THRB: variants seen among roughly 807,000 people sequenced by gnomAD.
The protein encoded by THRB is nuclear receptor subfamily 1 group A member 2.
A neutral mutation model predicts 47.8 loss-of-function variants in THRB; 12 were observed. The observed-to-expected ratio is 0.25, with a 90% CI of 0.16 to 0.41. The LOEUF is 0.41. Among genes scored for constraint, THRB ranks in the 10% least tolerant of loss-of-function variants. THRB has a pLI of 1.00. For missense variants in THRB, 348 were observed against 589.2 expected (o/e 0.59, Z 4.24); for synonymous variants, 218 against 212.2 (o/e 1.03, Z -0.24).
At chr3:24,435,832 G>A (rs539813868) in intron 1 of THRB, among the ~76,000 whole-genome samples, 20 of 152,314 alleles carry the variant, frequency 1.3e-4, no homozygotes, top group African/African-American at 4.8e-4. Flanking sequence ...CTCCCCCTCC[G>A]CGGCCCTTCC....
chr3:24,195,547 C>G (rs2043854195), intron 4 of THRB, among the ~76,000 whole-genome samples: 1 of 152,172 alleles, frequency 6.6e-6, no homozygotes, highest in African/African-American at 2.4e-5. Flanking sequence ...ACAGAGCAGC[C>G]AGAGTGAGCA....
intron 1 of THRB, among the ~76,000 whole-genome samples, chr3:24,481,148 GC>G (rs935603557): frequency 6.6e-6 from 1 of 151,274 alleles, no homozygotes; most frequent in Non-Finnish European, 1.5e-5. Flanking sequence ...CCACTTTGGG[GC>G]CATGATTCTT....
At chr3:24,126,307 G>A (rs1452864725) in intron 10 of THRB, among the ~76,000 whole-genome samples, 4 of 152,020 alleles carry the variant, frequency 2.6e-5, no homozygotes. Flanking sequence ...CCTAAGCCCA[G>A]CAGGTCAAGC....
chr3:24,128,650 G>T (rs535029380), intron 9 of THRB, among the ~76,000 whole-genome samples: 117 of 151,574 alleles, frequency 7.7e-4, no homozygotes, highest in African/African-American at 2.8e-3. Context: ...ATCATGCCCA[G>T]ATTTCCATGC....
rs1398671267 is a variant in THRB, at chr3:24,251,688, C to G, written c.-42-22687G>C. Among the ~76,000 whole-genome samples the G allele has an allele frequency of 2.0e-5, 3 of 151,966 alleles. No individual in the cohort carries two copies. The East Asian group carries it at 5.8e-4, about 29-fold the overall frequency. ...AACTTAAACACTGTCAAGGAACCCC[C>G]CTCCTCTCCCTTCCCTGAAAATGCC... On this transcript the variant is annotated intron_variant, in intron 3 of 10. Transcript: ENST00000646209.
intron 1 of THRB, among the ~76,000 whole-genome samples, chr3:24,423,032 A>C (rs576346198): frequency 1.3e-5 from 2 of 151,914 alleles, no homozygotes; most frequent in South Asian, 4.2e-4. Flanking sequence ...AAAACCACCA[A>C]GCTGTGAGAA....
intron 3 of THRB, among the ~76,000 whole-genome samples, chr3:24,266,778 T>G (rs1380749686): frequency 6.6e-6 from 1 of 152,058 alleles, no homozygotes; most frequent in African/African-American, 2.4e-5. Flanking sequence ...CCAATAAAAA[T>G]TCACCCATAC....
chr3:24,286,537 C>T (rs1173536566), intron 3 of THRB, among the ~76,000 whole-genome samples: 2 of 152,072 alleles, frequency 1.3e-5, no homozygotes, highest in African/African-American at 4.8e-5. Flanking sequence ...GGTTCTTCTC[C>T]AAACATCTCA....
In THRB at chr3:24,356,493, T is replaced by C. The variant is rs146466048; in HGVS notation, c.-260-19122A>G. Among the ~76,000 whole-genome samples, 1,137 of 152,284 alleles carry C rather than the reference T, an allele frequency of 7.5e-3. 4 individuals are homozygous for C. Among genetic ancestry groups the C allele is most frequent in the Non-Finnish European group, 0.012 (785 of 68,016 alleles). On this transcript the variant is annotated intron_variant, in intron 1 of 10. Coordinates refer to ENST00000646209, the MANE Select transcript of THRB (RefSeq NM_001354712.2). ...GTCTAAGAAATCCAACAGGCTTCTT[T>C]CATTCTGTCCTGTTTTGTCTGTCTC... is the stretch of plus-strand genomic sequence containing the variant.
intron 1 of THRB, among the ~76,000 whole-genome samples, chr3:24,361,088 TATA>T (rs1282605048): frequency 1.3e-5 from 2 of 152,164 alleles, no homozygotes; most frequent in African/African-American, 4.8e-5. Flanking sequence ...CCCAGATTTT[TATA>T]ATAACTGTTG....
chr3:24,152,518 T>A, intron 5 of THRB, 28 bp from the exon 6 acceptor site: 1 of 1,162,830 alleles, frequency 8.6e-7, no homozygotes, highest in Non-Finnish European at 1.3e-6. Context: ...GAAGGAATAT[T>A]AAAAAATAAT....
intron 3 of THRB, among the ~76,000 whole-genome samples, chr3:24,260,653 C>T (rs559745508): frequency 6.6e-6 from 1 of 152,272 alleles, no homozygotes; most frequent in South Asian, 2.1e-4. Flanking sequence ...CTCTCAGGCA[C>T]TCACAGTTCT....
chr3:24,409,336 A>T (rs368381771), intron 1 of THRB, among the ~76,000 whole-genome samples: 8 of 151,886 alleles, frequency 5.3e-5, no homozygotes, highest in African/African-American at 1.9e-4. Flanking sequence ...TAAATCAAGT[A>T]TGATGAACAA....
chr3:24,318,924 T>C (rs1449264637), intron 2 of THRB, among the ~76,000 whole-genome samples: 2 of 152,180 alleles, frequency 1.3e-5, no homozygotes, highest in African/African-American at 2.4e-5. Flanking sequence ...GGTTAGGAAT[T>C]CCTCAAAAAC....
At chr3:24,454,957 G>A (rs1208717069) in intron 1 of THRB, among the ~76,000 whole-genome samples, 2 of 152,024 alleles carry the variant, frequency 1.3e-5, no homozygotes, top group African/African-American at 2.4e-5. Flanking sequence ...GTAGTGAATG[G>A]TATTTTCCAA....
chr3:24,400,202 A>G (rs747962660), intron 1 of THRB, among the ~76,000 whole-genome samples: 3 of 152,110 alleles, frequency 2.0e-5, no homozygotes, highest in Non-Finnish European at 4.4e-5. Flanking sequence ...TAATTCCAAG[A>G]TAATTTGAAC....
At chr3:24,158,782 A>G (rs1246127680) in intron 5 of THRB, among the ~76,000 whole-genome samples, 1 of 152,122 alleles carries the variant, frequency 6.6e-6, no homozygotes, top group African/African-American at 2.4e-5. Context: ...TATATTATGT[A>G]AGCATTATGT....
intron 3 of THRB, 43 bp downstream of exon 3, chr3:24,297,183 A>G (rs2056520932): frequency 6.6e-6 from 1 of 152,220 alleles, no homozygotes; most frequent in African/African-American, 2.4e-5. Flanking sequence ...CATCAAAACA[A>G]CCATTTCTTA....
chr3:24,148,436 A>G lies in THRB; in HGVS notation c.385-1614T>C, dbSNP rs757732804. Among the ~76,000 whole-genome samples the G allele has an allele frequency of 1.8e-4, 28 of 151,674 alleles. 1 individual carries two copies. The highest frequency in any genetic ancestry group is 3.8e-4 in the Non-Finnish European group (26 of 67,940). On this transcript the variant is annotated intron_variant, in intron 6 of 10. Coordinates refer to ENST00000646209, the MANE Select transcript of THRB (RefSeq NM_001354712.2). ...GCCACCACGCCTGGCTAATTTTTGT[A>G]TTTTTAGTAGAGATGCGTTTTTGCC...
Sources: gnomAD v4.1 joint callset for allele counts (sites outside exome capture counted in the v4.1 genomes callset) on GRCh38, gnomAD v4.1.1 for gene constraint, MANE v1.5 for transcripts, NCBI Gene and HGNC (gene_info 2026-07-23, HGNC 2026-07-21) for gene names.